ACSL3: variants seen among roughly 807,000 people sequenced by gnomAD.
ACSL3 encodes the protein acyl-CoA synthetase long chain family member 3.
A neutral mutation model predicts 84.7 loss-of-function variants in ACSL3; 34 were observed. The observed-to-expected ratio is 0.40, with a 90% CI of 0.31 to 0.53. The LOEUF (loss-of-function observed/expected upper bound fraction) is 0.53. Among genes scored for constraint, ACSL3 ranks in the 20% least tolerant of loss-of-function variants. ACSL3 has a pLI of 0.48. For missense variants in ACSL3, 680 were observed against 873.1 expected (o/e 0.78, Z 2.79); for synonymous variants, 315 against 299.4 (o/e 1.05, Z -0.54).
At chr2:222,867,594 C>T (rs1184041133) in intron 1 of ACSL3, among the ~76,000 whole-genome samples, 2 of 152,186 alleles carry the variant, frequency 1.3e-5, no homozygotes, top group African/African-American at 2.4e-5. Flanking sequence ...TGAGTTTCAA[C>T]TCAATTCATC....
In ACSL3 at chr2:222,942,237, A is replaced by G. The variant is rs1240745943; in HGVS notation, c.*583A>G. 1 of 188,690 alleles carries G rather than the reference A, an allele frequency of 5.3e-6. No homozygotes were observed. The highest frequency in any genetic ancestry group is 1.1e-5 in the Non-Finnish European group (1 of 89,398). 11.7% of individuals were successfully genotyped at this position (188,690 alleles called of 1,614,324 possible). ...TGTTTTAAGAAGTTGAGATCTTGTG[A>G]ATATATGCCTGTCAGTGTCTTCTTT... On this transcript the variant is annotated 3_prime_UTR_variant, in exon 17 of 17. Transcript: ENST00000357430.
intron 16 of ACSL3, among the ~76,000 whole-genome samples, chr2:222,937,508 T>A (rs1697205527): frequency 6.6e-6 from 1 of 151,716 alleles, no homozygotes; most frequent in Admixed American, 6.6e-5. Context: ...ATATTTGTAA[T>A]TGTTATATCA....
chr2:222,888,399 C>T (rs1695770382), intron 2 of ACSL3, among the ~76,000 whole-genome samples: 1 of 151,904 alleles, frequency 6.6e-6, no homozygotes, highest in South Asian at 2.1e-4. Context: ...AATTTTAGGG[C>T]AAAAATTTAA....
intron 1 of ACSL3, among the ~76,000 whole-genome samples, chr2:222,872,563 A>G (rs1408504982): frequency 2.0e-5 from 3 of 152,194 alleles, no homozygotes; most frequent in Non-Finnish European, 4.4e-5. Flanking sequence ...GTGGACACCA[A>G]GGATAGAATG....
chr2:222,909,870 T>G (rs1389704230), intron 4 of ACSL3: 1 of 152,210 alleles, frequency 6.6e-6, no homozygotes, highest in Non-Finnish European at 1.5e-5. Context: ...CCCTATGAGT[T>G]AGTTGTTATT....
intron 2 of ACSL3, among the ~76,000 whole-genome samples, chr2:222,896,704 AC>A (rs1304174893): frequency 6.2e-5 from 1 of 16,236 alleles, no homozygotes; most frequent in Non-Finnish European, 1.0e-4. Flanking sequence ...CGGGGGGCTG[AC>A]CCCCCCACCT....
intron 1 of ACSL3, among the ~76,000 whole-genome samples, chr2:222,875,991 A>G (rs1395225982): frequency 6.6e-6 from 1 of 152,194 alleles, no homozygotes; most frequent in Non-Finnish European, 1.5e-5. Flanking sequence ...GTTGAAGTAG[A>G]TAGAAAGTAA....
At chr2:222,926,022 T>C (rs555391448) in intron 11 of ACSL3, among the ~76,000 whole-genome samples, 1 of 152,332 alleles carries the variant, frequency 6.6e-6, no homozygotes, top group South Asian at 2.1e-4. Context: ...GTTAGTTATT[T>C]CTTCAGTGAG....
intron 2 of ACSL3, among the ~76,000 whole-genome samples, chr2:222,897,986 G>T (rs73063637): frequency 7.0e-6 from 1 of 143,600 alleles, no homozygotes; most frequent in Middle Eastern, 3.2e-3. Flanking sequence ...TCTACTTACT[G>T]TCTTTCTGCC....
chr2:222,901,943 C>CAAAA (rs765995360), intron 3 of ACSL3, among the ~76,000 whole-genome samples: 1 of 12,382 alleles, frequency 8.1e-5, no homozygotes, highest in Non-Finnish European at 1.2e-4. Context: ...GACTCGGTCT[C>CAAAA]AAAAAAAAAA....
At position 222,942,040 on chromosome 2, in the gene ACSL3, A is replaced by AT. The variant is rs1697326156; in HGVS notation, c.*388dup. The AT allele has an allele frequency of 8.9e-6, 2 of 223,808 alleles. No individual in the cohort carries two copies. The highest frequency in any genetic ancestry group is 1.8e-5 in the Non-Finnish European group (2 of 112,154). 13.9% of individuals were successfully genotyped at this position (223,808 alleles called of 1,614,324 possible). A position where few individuals can be genotyped will look rare whatever the true frequency, so the allele number is the denominator to read the frequency against. On this transcript the variant is annotated 3_prime_UTR_variant, in exon 17 of 17. Transcript: ENST00000357430. ...AGAGGGATAAATAGGAAATATAAGA[A>AT]TTGGTTATTTGGGGGCTTTTTTACT...
intron 16 of ACSL3, among the ~76,000 whole-genome samples, chr2:222,939,884 C>T (rs962335071): frequency 6.6e-6 from 1 of 152,320 alleles, no homozygotes; most frequent in African/African-American, 2.4e-5. Context: ...ACATTTCTTT[C>T]ATGTATCATA....
chr2:222,906,617 CAT>C (rs1491296287), intron 3 of ACSL3, among the ~76,000 whole-genome samples: 3 of 112,580 alleles, frequency 2.7e-5, no homozygotes, highest in Admixed American at 2.5e-4. Flanking sequence ...CTACCAGCCT[CAT>C]TTTTTTTTTT....
In ACSL3 at chr2:222,941,778, G is replaced by T; in HGVS notation, c.*124G>T. The T allele has an allele frequency of 9.4e-7, 1 of 1,060,034 alleles. No individual in the cohort carries two copies. Among genetic ancestry groups the T allele is most frequent in the Non-Finnish European group, 1.3e-6 (1 of 773,348 alleles). The allele number at this position is 1,060,034 out of a possible 1,614,324, so 65.7% of individuals were successfully genotyped here. ...ATATTAAACTATTACTTCTCATGAC[G>T]TCACCATTTTTAACTGACAGGATTA... is the stretch of plus-strand genomic sequence containing the variant. On this transcript the variant is annotated 3_prime_UTR_variant, in exon 17 of 17. Coordinates refer to ENST00000357430, the MANE Select transcript of ACSL3 (RefSeq NM_004457.5).
chr2:222,880,708 G>A (rs1574522533), intron 1 of ACSL3, among the ~76,000 whole-genome samples: 1 of 151,462 alleles, frequency 6.6e-6, no homozygotes, highest in Non-Finnish European at 1.5e-5. Context: ...TGGGTGCCTG[G>A]AGTCCCAGCT....
chr2:222,934,973 A>G (rs1697134994), intron 16 of ACSL3, among the ~76,000 whole-genome samples: 1 of 152,066 alleles, frequency 6.6e-6, no homozygotes, highest in East Asian at 1.9e-4. Context: ...GGCCTTGCTC[A>G]GTTTTCTGGC....
At chr2:222,902,526 A>T (rs975116643) in intron 3 of ACSL3, among the ~76,000 whole-genome samples, 1 of 152,370 alleles carries the variant, frequency 6.6e-6, no homozygotes, top group South Asian at 2.1e-4. Context: ...TTGTTTGTAC[A>T]TGCCATTCAA....
Position 222,927,193 on chromosome 2 carries a change from G to A in ACSL3, c.1465+4G>A. 6.2e-7 allele frequency: 1 copy of A among 1,612,484 alleles called. No homozygotes were observed. Among genetic ancestry groups the A allele is most frequent in the Non-Finnish European group, 8.5e-7 (1 of 1,178,570 alleles). The stretch of plus-strand genomic sequence containing the variant: ...GGGGCTGGAACAATTTCCGAAGGTA[G>A]TGTTCTCCATGGTCAGAGGCTGGAG... On this transcript the variant is annotated splice_donor_region_variant and intron_variant, in intron 12 of 16. Coordinates refer to ENST00000357430, the MANE Select transcript of ACSL3 (RefSeq NM_004457.5).
At position 222,919,126 on chromosome 2, in the gene ACSL3, C is replaced by T. The variant is rs1252813313; in HGVS notation, c.729C>T (p.Thr243=). The change falls in exon 7 of 17, where the codon ACC becomes ACT. Residue 243 remains threonine (T), a synonymous_variant. Transcript: ENST00000357430. ...TCACTGTTGATGGAAAGCCACCGAC[C>T]TGGTCCGAGTTCCCCAAGGGCATCA... is the stretch of plus-strand genomic sequence containing the variant. The part of the protein sequence containing the change: ...HIITVDGKPP[T]WSEFPKGIIV... 1.2e-6 allele frequency: 2 copies of T among 1,614,148 alleles called. No homozygotes were observed. Among genetic ancestry groups the T allele is most frequent in the Non-Finnish European group, 1.7e-6 (2 of 1,180,030 alleles).
Sources: allele counts gnomAD v4.1 joint callset (sites outside exome capture counted in the v4.1 genomes callset), GRCh38; gene constraint gnomAD v4.1.1; transcripts MANE v1.5; gene names NCBI Gene and HGNC (gene_info 2026-07-23, HGNC 2026-07-21).